The following ANAPC5 variants were observed in gnomAD, a reference collection of about 807,000 sequenced individuals.
ANAPC5 encodes the protein anaphase-promoting complex subunit 5.
In ANAPC5, 60 loss-of-function variants were observed where a neutral mutation model predicts 91.3. The observed-to-expected ratio is 0.66, with a 90% CI of 0.53 to 0.81. The LOEUF is 0.81. Among genes scored for constraint, ANAPC5 ranks in the 40% least tolerant of loss-of-function variants. The pLI, the probability that ANAPC5 is intolerant of heterozygous loss-of-function variation, is 0.00. For missense variants in ANAPC5, 690 were observed against 931.5 expected (o/e 0.74, Z 3.37); for synonymous variants, 340 against 364.1 (o/e 0.93, Z 0.75).
At position 121,318,502 on chromosome 12, in the gene ANAPC5, T is replaced by C. The variant is rs556892769; in HGVS notation, c.1744A>G (p.Ser582Gly). The C allele has an allele frequency of 6.2e-7, 1 of 1,614,012 alleles. No individual in the cohort carries two copies. The highest frequency in any genetic ancestry group is 8.5e-7 in the Non-Finnish European group (1 of 1,180,002). The change falls in exon 14 of 17, where the codon AGT (serine) becomes GGT (glycine). Residue 582 changes from serine (S) to glycine (G), a missense_variant and splice_region_variant. Coordinates refer to ENST00000261819, the MANE Select transcript of ANAPC5 (RefSeq NM_016237.5). ...TGAGATGTACAAGAGACCCCTTACCTGATCACCATTTCTGTGTTCTTCAGT... is the reference window on the plus strand; with the variant it reads ...TGAGATGTACAAGAGACCCCTTACCCGATCACCATTTCTGTGTTCTTCAGT... ...QKLKNTEMVI[S>G]VLLSVAELYW...
At chr12:121,323,937 T>A (rs1184359971) in intron 11 of ANAPC5, among the ~76,000 whole-genome samples, 1 of 151,994 alleles carries the variant, frequency 6.6e-6, no homozygotes, top group African/African-American at 2.4e-5. Context: ...AGGAGTGATA[T>A]AAGATGAGCT....
chr12:121,353,027 A>G (rs1160283274), upstream of ANAPC5, among the ~76,000 whole-genome samples: 1 of 151,768 alleles, frequency 6.6e-6, no homozygotes, highest in Non-Finnish European at 1.5e-5. Flanking sequence ...AATGTTTAGG[A>G]GTTTAACTCT....
intron 8 of ANAPC5, 134 bp downstream of exon 8, chr12:121,331,213 C>T (rs1903030722): frequency 1.5e-6 from 1 of 647,422 alleles, no homozygotes; most frequent in Non-Finnish European, 2.6e-6. Flanking sequence ...TCTGAATTCC[C>T]ATGACCACCT....
chr12:121,327,757 G>A (rs1212630055), intron 10 of ANAPC5: 1 of 155,584 alleles, frequency 6.4e-6, no homozygotes, highest in Non-Finnish European at 1.4e-5. Context: ...TTAAAATGCG[G>A]CAACAAAGTT....
intron 15 of ANAPC5, among the ~76,000 whole-genome samples, chr12:121,311,880 A>G (rs1902178737): frequency 6.6e-6 from 1 of 152,152 alleles, no homozygotes. Flanking sequence ...TGGGGAGCTC[A>G]ATATCCCACC....
At chr12:121,352,707 GGTTGTT>G (rs201395836), upstream of ANAPC5, among the ~76,000 whole-genome samples, 7 of 109,308 alleles carry the variant, frequency 6.4e-5, no homozygotes, top group South Asian at 3.5e-4. Context: ...TTTTGTTGTT[GGTTGTT>G]GTTGTTGGTG....
At chr12:121,347,368 A>G in intron 2 of ANAPC5, 1 of 268,798 alleles carries the variant, frequency 3.7e-6, no homozygotes, top group Non-Finnish European at 7.1e-6. Flanking sequence ...GGTTGCTCAC[A>G]CTTGTAATCC....
chr12:121,347,828 T>C lies in ANAPC5; in HGVS notation c.261A>G (p.Pro87=). 5.0e-6 allele frequency: 8 copies of C among 1,613,790 alleles called. No homozygotes were observed. Among genetic ancestry groups the C allele is most frequent in the East Asian group, 2.2e-5 (1 of 44,864 alleles). The part of the protein sequence containing the change: ...KLYKLIEESC[P]QLANSVQIRI... ...TGATCTGCACTGAATTTGCCAGCTG[T>C]GGACAAGACTCTTCAATTAACTTGT... Residue 87 remains proline, a synonymous_variant, in exon 2 of 17, where the codon CCA becomes CCG. Transcript: ENST00000261819.
chr12:121,316,443 G>C (rs1902361262), intron 15 of ANAPC5, among the ~76,000 whole-genome samples: 1 of 152,048 alleles, frequency 6.6e-6, no homozygotes. Flanking sequence ...AATGAAAACA[G>C]GTATTCAACC....
At chr12:121,352,448 G>A, upstream of ANAPC5, 1 of 893,038 alleles carries the variant, frequency 1.1e-6, no homozygotes, top group Non-Finnish European at 1.7e-6. Context: ...AATATCCCAG[G>A]AAACAGACAT....
Position 121,345,724 on chromosome 12 carries a change from G to A in ANAPC5, c.590+115C>T, listed in dbSNP as rs187719892. The A allele has an allele frequency of 1.1e-3, 1,154 of 1,093,762 alleles. 10 individuals are homozygous for A. The highest frequency in any genetic ancestry group is 5.7e-5 in the Non-Finnish European group (43 of 749,312). 67.8% of individuals were successfully genotyped at this position (1,093,762 alleles called of 1,614,324 possible). On this transcript the variant is annotated intron_variant, in intron 4 of 16. Coordinates refer to ENST00000261819, the MANE Select transcript of ANAPC5 (RefSeq NM_016237.5). Reference sequence around the variant, plus strand: ...CCTTATCAGTTAACTTCCCAGATCTGGAAGGGTAAAAAGGGCATAAGCCAG... The same window carrying A: ...CCTTATCAGTTAACTTCCCAGATCTAGAAGGGTAAAAAGGGCATAAGCCAG...
intron 2 of ANAPC5, chr12:121,347,489 G>C: frequency 2.2e-5 from 7 of 311,404 alleles, no homozygotes; most frequent in Non-Finnish European, 3.5e-5. Flanking sequence ...AAATTAGCCA[G>C]GTTTGGTGGT....
At chr12:121,339,557 G>A (rs782078333) in intron 5 of ANAPC5, among the ~76,000 whole-genome samples, 22 of 152,084 alleles carry the variant, frequency 1.4e-4, no homozygotes, top group African/African-American at 2.2e-4. Context: ...TGCAAACTCC[G>A]CCTCATGGGT....
chr12:121,345,262 A>G (rs1566197063), intron 4 of ANAPC5, among the ~76,000 whole-genome samples: 1 of 152,242 alleles, frequency 6.6e-6, no homozygotes, highest in East Asian at 1.9e-4. Flanking sequence ...GAAGGCATTC[A>G]ATAAATTTTC....
chr12:121,353,676 G>A (rs1320056438), upstream of ANAPC5, among the ~76,000 whole-genome samples: 2 of 152,012 alleles, frequency 1.3e-5, no homozygotes, highest in African/African-American at 4.8e-5. Flanking sequence ...TCCTGACCTC[G>A]TGATCCTCCC....
intron 15 of ANAPC5, among the ~76,000 whole-genome samples, chr12:121,315,274 T>G (rs11611253): frequency 0.042 from 6,420 of 152,266 alleles, 168 homozygotes; most frequent in South Asian, 0.082. Flanking sequence ...TACAAAACAT[T>G]GTTGAAGTAA....
Position 121,320,366 on chromosome 12 carries a change from C to T in ANAPC5, c.1515+19G>A. ...TTTTTATCAGAAATAAATCTATTGC[C>T]ATGCAAAAGGCAGATTACCTGGGCG... On this transcript the variant is annotated intron_variant, in intron 12 of 16. Transcript: ENST00000261819. The T allele has an allele frequency of 6.2e-7, 1 of 1,608,932 alleles. No homozygotes were observed.
intron 16 of ANAPC5, 67 bp from the exon 17 acceptor site, chr12:121,308,758 G>A: frequency 2.3e-6 from 3 of 1,290,196 alleles, no homozygotes; most frequent in Non-Finnish European, 3.4e-6. Context: ...TCAAAACGTG[G>A]TATTTAGTTT....
chr12:121,352,281 G>A lies in ANAPC5; in HGVS notation c.60C>T (p.His20=). 6.2e-7 allele frequency: 1 copy of A among 1,614,056 alleles called. No homozygotes were observed. The change falls in exon 1 of 17, where the codon CAC becomes CAT. Residue 20 remains histidine (H), a synonymous_variant. Transcript: ENST00000261819. ...FNPMMTNGVV[H]ANVFGIKDWV... ...AGTCCTTGATGCCGAACACATTGGC[G>A]TGCACAACCCCATTGGTCATCATGG...
Sources: allele counts gnomAD v4.1 joint callset (sites outside exome capture counted in the v4.1 genomes callset), GRCh38; gene constraint gnomAD v4.1.1; transcripts MANE v1.5; gene names NCBI Gene and HGNC (gene_info 2026-07-23, HGNC 2026-07-21).